The following FHIT variants were observed in gnomAD, a reference collection of about 807,000 sequenced individuals.
FHIT encodes the protein bis(5'-adenosyl)-triphosphatase.
FHIT carries 19 observed loss-of-function variants against 17.9 expected under a neutral mutation model. The observed-to-expected ratio is 1.06, with a 90% CI of 0.74 to 1.56. The LOEUF (loss-of-function observed/expected upper bound fraction) is 1.56, where lower values mean the gene tolerates loss of function less well. FHIT is among the 40% of genes most tolerant of loss of function. The pLI is 0.00. For missense variants in FHIT, 248 were observed against 189.2 expected (o/e 1.31, Z -1.82); for synonymous variants, 81 against 69.7 (o/e 1.16, Z -0.81).
At chr3:61,136,489 A>G (rs2036919693) in intron 2 of FHIT, among the ~76,000 whole-genome samples, 1 of 152,168 alleles carries the variant, frequency 6.6e-6, no homozygotes, top group Admixed American at 6.5e-5. Context: ...ATCAGAGGAA[A>G]ATGTGGCTAT....
intron 4 of FHIT, among the ~76,000 whole-genome samples, chr3:60,799,831 T>C (rs1553731717): frequency 2.0e-5 from 3 of 152,232 alleles, no homozygotes; most frequent in Non-Finnish European, 4.4e-5. Flanking sequence ...AAACCTGTAA[T>C]TCTATATATT....
At chr3:60,391,986 A>C (rs1009626971) in intron 5 of FHIT, among the ~76,000 whole-genome samples, 2 of 151,988 alleles carry the variant, frequency 1.3e-5, no homozygotes, top group Non-Finnish European at 1.5e-5. Context: ...GGTGGTGCTG[A>C]AACAAGATAT....
At chr3:60,605,719 T>C (rs2038586815) in intron 4 of FHIT, among the ~76,000 whole-genome samples, 1 of 152,164 alleles carries the variant, frequency 6.6e-6, no homozygotes, top group Non-Finnish European at 1.5e-5. Flanking sequence ...TATTTTCTGC[T>C]AGAGGTACGG....
chr3:59,938,247 A>G (rs6446091), intron 7 of FHIT, among the ~76,000 whole-genome samples: 150,582 of 152,308 alleles, frequency 0.99, 74,462 homozygotes, highest in Middle Eastern at 1. Flanking sequence ...TGTCATTTGC[A>G]CCAACAAGGA....
chr3:60,258,276 G>C (rs1706117625), intron 5 of FHIT, among the ~76,000 whole-genome samples: 1 of 152,080 alleles, frequency 6.6e-6, no homozygotes, highest in Admixed American at 6.6e-5. Context: ...TGAGCCCTGT[G>C]CTCCCAGAAA....
chr3:60,020,355 C>T (rs1356069231), intron 5 of FHIT, among the ~76,000 whole-genome samples: 1 of 152,088 alleles, frequency 6.6e-6, no homozygotes, highest in Non-Finnish European at 1.5e-5. Flanking sequence ...AAGATGACAG[C>T]AGAATATTAT....
At chr3:59,805,061 G>C (rs370350971) in intron 8 of FHIT, among the ~76,000 whole-genome samples, 3 of 152,128 alleles carry the variant, frequency 2.0e-5, no homozygotes, top group African/African-American at 7.2e-5. Context: ...TTTGTCTCTA[G>C]AGGGAGAAAG....
At chr3:60,463,803 A>C (rs1406249845) in intron 5 of FHIT, among the ~76,000 whole-genome samples, 1 of 152,238 alleles carries the variant, frequency 6.6e-6, no homozygotes, top group East Asian at 1.9e-4. Flanking sequence ...TGTAAAATGG[A>C]GACAATCACA....
intron 5 of FHIT, among the ~76,000 whole-genome samples, chr3:60,258,101 C>CA (rs58869957): frequency 0.011 from 966 of 87,750 alleles, 13 homozygotes; most frequent in African/African-American, 0.027. Flanking sequence ...CACACACACA[C>CA]CTCTGCAGAT....
chr3:61,161,122 T>G (rs1407826430), intron 2 of FHIT, among the ~76,000 whole-genome samples: 1 of 147,240 alleles, frequency 6.8e-6, no homozygotes, highest in East Asian at 2.0e-4. Flanking sequence ...TCCTTTTAAC[T>G]GAATCATCCA....
intron 8 of FHIT, among the ~76,000 whole-genome samples, chr3:59,823,026 A>T (rs1700850037): frequency 6.6e-6 from 1 of 152,192 alleles, no homozygotes; most frequent in African/African-American, 2.4e-5. Context: ...GTGACTTGCC[A>T]ATTATCCCAG....
chr3:59,926,891 AG>A (rs1196197934), intron 7 of FHIT, among the ~76,000 whole-genome samples: 3 of 152,216 alleles, frequency 2.0e-5, no homozygotes, highest in Admixed American at 2.0e-4. Context: ...AAAATCACAC[AG>A]TTACTTTGGA....
At chr3:60,448,671 A>G (rs1195016217) in intron 5 of FHIT, among the ~76,000 whole-genome samples, 1 of 152,176 alleles carries the variant, frequency 6.6e-6, no homozygotes, top group Non-Finnish European at 1.5e-5. Context: ...CCTCCTGGAC[A>G]GCATTGATCA....
At chr3:60,237,262 AT>A (rs201958097) in intron 5 of FHIT, among the ~76,000 whole-genome samples, 3,752 of 124,776 alleles carry the variant, frequency 0.03, 24 homozygotes, top group Non-Finnish European at 0.036. Context: ...TTGTTTTTCC[AT>A]TTTTTTTTTT....
At chr3:60,097,761 T>C (rs9812343) in intron 5 of FHIT, among the ~76,000 whole-genome samples, 96,402 of 149,064 alleles carry the variant, frequency 0.65, 31,986 homozygotes, top group East Asian at 0.97. Flanking sequence ...ATGTGCACAA[T>C]GTGCAGGTTT....
At chr3:60,719,282 C>T (rs1260896037) in intron 4 of FHIT, among the ~76,000 whole-genome samples, 1 of 152,140 alleles carries the variant, frequency 6.6e-6, no homozygotes, top group Non-Finnish European at 1.5e-5. Context: ...CTTTTAACTA[C>T]ACTCCAATTT....
At chr3:60,221,373 G>A (rs1703950361) in intron 5 of FHIT, among the ~76,000 whole-genome samples, 1 of 152,186 alleles carries the variant, frequency 6.6e-6, no homozygotes, top group Middle Eastern at 3.4e-3. Flanking sequence ...TGTCTCCCCA[G>A]TACCACCTGC....
chr3:60,911,582 C>T (rs1284307966), intron 3 of FHIT, among the ~76,000 whole-genome samples: 2 of 152,228 alleles, frequency 1.3e-5, no homozygotes, highest in East Asian at 1.9e-4. Flanking sequence ...TGTGGCCCCA[C>T]CAAGCACTGC....
At chr3:59,855,929 C>G (rs939006778) in intron 8 of FHIT, among the ~76,000 whole-genome samples, 1 of 133,770 alleles carries the variant, frequency 7.5e-6, no homozygotes, top group Admixed American at 7.2e-5. Flanking sequence ...TACAGGCGCC[C>G]GCCACCACGC....
Sources: gnomAD v4.1 joint callset for allele counts (sites outside exome capture counted in the v4.1 genomes callset) on GRCh38, gnomAD v4.1.1 for gene constraint, MANE v1.5 for transcripts, NCBI Gene and HGNC (gene_info 2026-07-23, HGNC 2026-07-21) for gene names.